FUT7: variants seen among roughly 807,000 people sequenced by gnomAD.
FUT7 encodes the protein fucosyltransferase 7.
Under a neutral mutation model 5.0 loss-of-function variants are expected in FUT7, and 2 were observed. The ratio of observed to expected loss-of-function variants is 0.40; its 90% CI spans 0.16 to 1.26. The LOEUF is 1.26. FUT7 is among the 50% of genes most tolerant of loss of function. The pLI, the probability that FUT7 is intolerant of heterozygous loss-of-function variation, is 0.32. For missense variants in FUT7, 461 were observed against 489.8 expected, an observed-to-expected ratio of 0.94 and a Z score of 0.55; for synonymous variants, 218 against 210.6, an observed-to-expected ratio of 1.03 and a Z score of -0.30.
chr9:137,031,006 C>T lies in FUT7; in HGVS notation c.733G>A (p.Ala245Thr), dbSNP rs138069676. 19 of 1,612,762 alleles carry T rather than the reference C, an allele frequency of 1.2e-5. No individual in the cohort carries two copies. The highest frequency in any genetic ancestry group is 5.3e-5 in the African/African-American group (4 of 74,948). The change falls in exon 2 of 2, where the codon GCA becomes ACA. Residue 245 changes from alanine (A) to threonine (T), a missense_variant. Transcript: ENST00000314412. ...ACTGGCACAGTGCCAGCCACCAGTG[C>T]GTTGCGCCAGAATTTCTCCGTAATG... is the stretch of plus-strand genomic sequence containing the variant. ...DYITEKFWRN[A>T]LVAGTVPVVL...
At position 137,031,014 on chromosome 9, in the gene FUT7, C is replaced by T; in HGVS notation, c.725G>A (p.Trp242Ter). 6.2e-7 allele frequency: 1 copy of T among 1,612,882 alleles called. No individual in the cohort carries two copies. Reference sequence around the variant, plus strand: ...AGTGCCAGCCACCAGTGCGTTGCGCCAGAATTTCTCCGTAATGTAGTCGCG... The same window carrying T: ...AGTGCCAGCCACCAGTGCGTTGCGCTAGAATTTCTCCGTAATGTAGTCGCG... The part of the protein sequence containing the change: ...QHRDYITEKF[W>*]RNALVAGTVP... The change falls in exon 2 of 2, where the codon TGG (tryptophan) becomes TAG (stop). Residue 242 changes from tryptophan (W) to a stop codon, truncating the protein, a stop_gained. Transcript: ENST00000314412. LOFTEE classifies it low-confidence loss of function (END_TRUNC).
chr9:137,031,089 G>A lies in FUT7; in HGVS notation c.650C>T (p.Pro217Leu). ...GTAGAAGCGGTACTGGGCCACGGTG[G>A]GCACCAGGCAGCTGGCGCACAGTGG... ...GRPLCASCLV[P>L]TVAQYRFYLS... Residue 217 changes from proline (P) to leucine (L), a missense_variant, in exon 2 of 2, where the codon CCC (proline) becomes CTC (leucine). Coordinates refer to ENST00000314412, the MANE Select transcript of FUT7 (RefSeq NM_004479.4). 1.9e-6 allele frequency: 3 copies of A among 1,612,754 alleles called. No homozygotes were observed. The highest frequency in any genetic ancestry group is 2.5e-6 in the Non-Finnish European group (3 of 1,179,934).
Position 137,031,906 on chromosome 9 carries a change from G to A in FUT7, c.13+73C>T, listed in dbSNP as rs373042128. 303 of 1,559,566 alleles carry A rather than the reference G, an allele frequency of 1.9e-4. No homozygotes were observed. In the African/African-American group the frequency reaches 3.6e-3, roughly 19 times the overall value. ...GGGACACCGACATGCCCCACTCAGC[G>A]CCACCCCCGTCCTCCCCTCCCAGGT... On this transcript the variant is annotated intron_variant, in intron 1 of 1. Coordinates refer to ENST00000314412, the MANE Select transcript of FUT7 (RefSeq NM_004479.4).
chr9:137,030,692 T>TC lies in FUT7; in HGVS notation c.*17dup. On this transcript the variant is annotated 3_prime_UTR_variant, in exon 2 of 2. Coordinates refer to ENST00000314412, the MANE Select transcript of FUT7 (RefSeq NM_004479.4). Reference sequence around the variant, plus strand: ...CCCAGCCCTTCCACCCACACCCACCTCCCCCGGCCAGCGGATCTCAGGCCT... The same window carrying TC: ...CCCAGCCCTTCCACCCACACCCACCTCCCCCCGGCCAGCGGATCTCAGGCCT... 6.2e-7 allele frequency: 1 copy of TC among 1,611,634 alleles called. No individual in the cohort carries two copies. Among genetic ancestry groups the TC allele is most frequent in the South Asian group, 1.1e-5 (1 of 90,884 alleles).
At chr9:137,031,858 C>A (rs1831863983) in intron 1 of FUT7, 121 bp downstream of exon 1, 28 of 1,466,272 alleles carry the variant, frequency 1.9e-5, no homozygotes, top group Non-Finnish European at 2.4e-5. Context: ...GCGCCACCCC[C>A]GTCCTCCCCT....
In FUT7 at chr9:137,030,953, A is replaced by G; in HGVS notation, c.786T>C (p.Tyr262=). 2 of 1,612,844 alleles carry G rather than the reference A, an allele frequency of 1.2e-6. No homozygotes were observed. Among genetic ancestry groups the G allele is most frequent in the Non-Finnish European group, 1.7e-6 (2 of 1,180,000 alleles). The change falls in exon 2 of 2, where the codon TAT becomes TAC. Residue 262 remains tyrosine, a synonymous_variant. Transcript: ENST00000314412. ...AGGCGTCAGCCGGCACGAAGGCCTC[A>G]TAGGTGGCCCGTGGGGGCCCCAGCA... ...PVVLGPPRAT[Y]EAFVPADAFV...
In FUT7 at chr9:137,030,860, G is replaced by A; in HGVS notation, c.879C>T (p.Ser293=). ...LAAFLTGMNE[S]RYQRFFAWRD... ...GCCAGGCAAAGAAGCGTTGGTATCG[G>A]CTCTCATTCATGCCAGTGAGGAAAG... The change falls in exon 2 of 2, where the codon AGC becomes AGT. Residue 293 remains serine, a synonymous_variant. Coordinates refer to ENST00000314412, the MANE Select transcript of FUT7 (RefSeq NM_004479.4). The A allele has an allele frequency of 6.2e-7, 1 of 1,612,790 alleles. No individual in the cohort carries two copies. Among genetic ancestry groups the A allele is most frequent in the South Asian group, 1.1e-5 (1 of 91,088 alleles).
At position 137,030,777 on chromosome 9, in the gene FUT7, C is replaced by T. The variant is rs1831833328; in HGVS notation, c.962G>A (p.Cys321Tyr). 6.2e-7 allele frequency: 1 copy of T among 1,612,562 alleles called. No homozygotes were observed. The highest frequency in any genetic ancestry group is 1.3e-5 in the African/African-American group (1 of 74,950). ...TDWRERFCAICDRYPHLPRSQ... is the reference protein window; with the variant it reads ...TDWRERFCAIYDRYPHLPRSQ... Reference sequence around the variant, plus strand: ...GCGGGGTAGGTGTGGGTAGCGGTCACAGATGGCACAGAAACGTTCCCGCCA... The same window carrying T: ...GCGGGGTAGGTGTGGGTAGCGGTCATAGATGGCACAGAAACGTTCCCGCCA... The change falls in exon 2 of 2, where the codon TGT (cysteine) becomes TAT (tyrosine). Residue 321 changes from cysteine (C) to tyrosine (Y), a missense_variant. Coordinates refer to ENST00000314412, the MANE Select transcript of FUT7 (RefSeq NM_004479.4).
Position 137,031,434 on chromosome 9 carries a change from C to T in FUT7, c.305G>A (p.Arg102Gln), listed in dbSNP as rs375415626. The T allele has an allele frequency of 6.7e-5, 104 of 1,555,852 alleles. 1 individual carries two copies. In the African/African-American group the frequency reaches 7.6e-4, roughly 11 times the overall value. ...VFHHRELQTR[R>Q]SHLPLAQRPR... ...CCGCTGGGCCAGGGGCAGGTGGGAC[C>T]GCCGGGTCTGCAGCTCGCGGTGGTG... Residue 102 changes from arginine (R) to glutamine (Q), a missense_variant, in exon 2 of 2, where the codon CGG becomes CAG. By Grantham distance (43) the Arg-to-Gln change is conservative. Transcript: ENST00000314412.
Position 137,031,480 on chromosome 9 carries a change from TGGCCAGCA to T in FUT7, c.251_258del (p.Leu84GlnfsTer39). The T allele has an allele frequency of 6.4e-7, 1 of 1,553,470 alleles. No individual in the cohort carries two copies. The highest frequency in any genetic ancestry group is 8.7e-7 in the Non-Finnish European group (1 of 1,149,140). On this transcript the variant is annotated frameshift_variant, in exon 2 of 2. Coordinates refer to ENST00000314412, the MANE Select transcript of FUT7 (RefSeq NM_004479.4). LOFTEE classifies it low-confidence loss of function (END_TRUNC). ...TGGTGGAAGACCACGGCGTCGGCGC[TGGCCAGCA>T]GGCTTCGGTTGGCACTCAGGTGGCA...
rs755346388 is a variant in FUT7 at position 137,031,316 on chromosome 9, C to T, written c.423G>A (p.Leu141=). Residue 141 remains leucine, a synonymous_variant, in exon 2 of 2, where the codon CTG becomes CTA. Coordinates refer to ENST00000314412, the MANE Select transcript of FUT7 (RefSeq NM_004479.4). Reference sequence around the variant, plus strand: ...AGATGTCCGAGTCGCGCCGGTAGCTCAGCACCCAGTTGAAGATGCCTCGGA... The same window carrying T: ...AGATGTCCGAGTCGCGCCGGTAGCTTAGCACCCAGTTGAAGATGCCTCGGA... ...SHLRGIFNWV[L]SYRRDSDIFV... The T allele has an allele frequency of 1.2e-5, 19 of 1,606,326 alleles. No individual in the cohort carries two copies. Among genetic ancestry groups the T allele is most frequent in the Admixed American group, 1.0e-4 (6 of 59,264 alleles).
chr9:137,031,816 A>G (rs1831862948), intron 1 of FUT7, 91 bp from the exon 2 acceptor site: 5 of 1,492,550 alleles, frequency 3.3e-6, no homozygotes, highest in Non-Finnish European at 4.5e-6. Context: ...CTCCCCTCCC[A>G]TGGGCTCAGG....
rs371488334 is a variant in FUT7 at position 137,031,520 on chromosome 9, G to A, written c.219C>T (p.Ile73=). The change falls in exon 2 of 2, where the codon ATC becomes ATT. Residue 73 remains isoleucine (I), a synonymous_variant. Transcript: ENST00000314412. Reference sequence around the variant, plus strand: ...GGTTGGCACTCAGGTGGCAGCGGGCGATGCCGTAGCGGGTGCAGGTGTCGC... The same window carrying A: ...GGTTGGCACTCAGGTGGCAGCGGGCAATGCCGTAGCGGGTGCAGGTGTCGC... ...LPSDTCTRYG[I]ARCHLSANRS... is the part of the protein sequence containing the mutation. The A allele has an allele frequency of 5.9e-5, 92 of 1,557,096 alleles. No individual in the cohort carries two copies. In the African/African-American group the frequency reaches 8.7e-4, roughly 15 times the overall value.
Position 137,030,653 on chromosome 9 carries a change from G to C in FUT7, c.*57C>G. 6.3e-7 allele frequency: 1 copy of C among 1,597,838 alleles called. No individual in the cohort carries two copies. Among genetic ancestry groups the C allele is most frequent in the Non-Finnish European group, 8.6e-7 (1 of 1,169,366 alleles). The stretch of plus-strand genomic sequence containing the variant: ...GCCGGTAAGGGCCGGATGCCTGGTG[G>C]TTTGATTTCGACACCCAGCCCTTCC... On this transcript the variant is annotated 3_prime_UTR_variant, in exon 2 of 2. Coordinates refer to ENST00000314412, the MANE Select transcript of FUT7 (RefSeq NM_004479.4).
rs755327971 is a variant in FUT7, at chr9:137,031,270, C to T, written c.469G>A (p.Glu157Lys). The T allele has an allele frequency of 6.2e-6, 10 of 1,607,580 alleles. No homozygotes were observed. The highest frequency in any genetic ancestry group is 8.5e-6 in the Non-Finnish European group (10 of 1,178,426). ...GGTGGCGAGGGCCCCCAGTGGGGCTCCAGGCGGCCATAGGGCACAAAGATG... is the reference window on the plus strand; with the variant it reads ...GGTGGCGAGGGCCCCCAGTGGGGCTTCAGGCGGCCATAGGGCACAAAGATG... ...SDIFVPYGRL[E>K]PHWGPSPPLP... is the part of the protein sequence containing the mutation. Residue 157 changes from glutamate (E) to lysine (K), a missense_variant, in exon 2 of 2, where the codon GAG becomes AAG. Physicochemically the swap from Glu to Lys is moderately conservative, Grantham distance 56. Coordinates refer to ENST00000314412, the MANE Select transcript of FUT7 (RefSeq NM_004479.4).
In FUT7 at chr9:137,030,809, G is replaced by A. The variant is rs1452994930; in HGVS notation, c.930C>T (p.Phe310=). 2 of 1,612,848 alleles carry A rather than the reference G, an allele frequency of 1.2e-6. No individual in the cohort carries two copies. Among genetic ancestry groups the A allele is most frequent in the Non-Finnish European group, 1.7e-6 (2 of 1,179,976 alleles). The change falls in exon 2 of 2, where the codon TTC becomes TTT. Residue 310 remains phenylalanine (F), a synonymous_variant. Transcript: ENST00000314412. ...CACAGAAACGTTCCCGCCAGTCGGT[G>A]AACAGTCGCACGCGGAGCCTGTCAC... The part of the protein sequence containing the change: ...AWRDRLRVRL[F]TDWRERFCAI...
At position 137,031,602 on chromosome 9, in the gene FUT7, G is replaced by T. The variant is rs768780219; in HGVS notation, c.137C>A (p.Thr46Lys). The change falls in exon 2 of 2, where the codon ACG becomes AAG. Residue 46 changes from threonine (T) to lysine (K), a missense_variant. Thr to Lys is a moderately conservative substitution (Grantham distance 78). Coordinates refer to ENST00000314412, the MANE Select transcript of FUT7 (RefSeq NM_004479.4). ...APRGTPAPQP[T>K]ITILVWHWPF... ...CCAGTGCCAGACAAGGATGGTGATC[G>T]TGGGCTGGGGTGCCGGGGTACCCCG... is the stretch of plus-strand genomic sequence containing the variant. 2 of 1,564,322 alleles carry T rather than the reference G, an allele frequency of 1.3e-6. No individual in the cohort carries two copies. The highest frequency in any genetic ancestry group is 1.7e-6 in the Non-Finnish European group (2 of 1,156,122).
chr9:137,030,923 C>T lies in FUT7; in HGVS notation c.816G>A (p.Val272=). The T allele has an allele frequency of 1.9e-6, 3 of 1,612,790 alleles. No homozygotes were observed. The highest frequency in any genetic ancestry group is 2.5e-6 in the Non-Finnish European group (3 of 1,179,974). ...YEAFVPADAF[V]HVDDFGSARE... is the part of the protein sequence containing the mutation. ...GGGCTGAGCCAAAGTCATCCACATG[C>T]ACGAAGGCGTCAGCCGGCACGAAGG... Residue 272 remains valine (V), a synonymous_variant, in exon 2 of 2, where the codon GTG becomes GTA. Coordinates refer to ENST00000314412, the MANE Select transcript of FUT7 (RefSeq NM_004479.4).
Position 137,031,700 on chromosome 9 carries a change from T to G in FUT7, c.39A>C (p.Arg13=), listed in dbSNP as rs1831859685. ...NAGHGPTRRL[R]GLGVLAGVAL... ...CCACCCCGGCCAGGACCCCCAAGCC[T>G]CGCAGCCTCCGGGTGGGGCCGTGCC... Residue 13 remains arginine (R), a synonymous_variant, in exon 2 of 2, where the codon CGA becomes CGC. Coordinates refer to ENST00000314412, the MANE Select transcript of FUT7 (RefSeq NM_004479.4). 6.5e-7 allele frequency: 1 copy of G among 1,547,892 alleles called. No homozygotes were observed. The highest frequency in any genetic ancestry group is 1.2e-5 in the South Asian group (1 of 84,112).
Sources: gnomAD v4.1 joint callset for allele counts on GRCh38, gnomAD v4.1.1 for gene constraint, MANE v1.5 for transcripts, NCBI Gene and HGNC (gene_info 2026-07-23, HGNC 2026-07-21) for gene names.